DEPDC5: variants seen among roughly 807,000 people sequenced by gnomAD.
The protein encoded by DEPDC5 is DEP domain containing 5, GATOR1 subcomplex subunit.
DEPDC5 carries 73 observed loss-of-function variants against 217.3 expected under a neutral mutation model. That is an observed-to-expected ratio of 0.34 (90% CI 0.28 to 0.41). The LOEUF is 0.41. Ranked by LOEUF, DEPDC5 falls within the 10% of genes least tolerant of loss-of-function variation. The pLI, the probability that DEPDC5 is intolerant of heterozygous loss-of-function variation, is 1.00. For synonymous variants in DEPDC5, 733 were observed against 756.7 expected (o/e 0.97, Z 0.51); for missense variants, 1,675 against 2,070.1 (o/e 0.81, Z 3.70).
chr22:31,809,285 T>C (rs1395236308), intron 18 of DEPDC5, among the ~76,000 whole-genome samples: 1 of 152,190 alleles, frequency 6.6e-6, no homozygotes, highest in African/African-American at 2.4e-5. Context: ...AACAGTGGAT[T>C]GACCAAGAAT....
At position 31,793,183 on chromosome 22, in the gene DEPDC5, G is replaced by A. The variant is rs114078671; in HGVS notation, c.767+366G>A. ...ACAGTTCCTGCATGGTCTTTGCTCTGTTTCCTCTAATATTAACATTTCATA... is the reference window on the plus strand; with the variant it reads ...ACAGTTCCTGCATGGTCTTTGCTCTATTTCCTCTAATATTAACATTTCATA... On this transcript the variant is annotated intron_variant, in intron 12 of 42. Coordinates refer to ENST00000651528, the MANE Select transcript of DEPDC5 (RefSeq NM_001242896.3). Among the ~76,000 whole-genome samples, 838 of 152,254 alleles carry A rather than the reference G, an allele frequency of 5.5e-3. 9 individuals carry two copies. The highest frequency in any genetic ancestry group is 0.019 in the African/African-American group (780 of 41,554).
At chr22:31,759,751 C>T (rs1483337866) in intron 3 of DEPDC5, among the ~76,000 whole-genome samples, 4 of 143,880 alleles carry the variant, frequency 2.8e-5, no homozygotes, top group Admixed American at 1.4e-4. Context: ...GGTGCCACCT[C>T]GGCTCACTGC....
Position 31,837,153 on chromosome 22 carries a change from C to A in DEPDC5, c.2352C>A (p.Asp784Glu), listed in dbSNP as rs765324808. The A allele has an allele frequency of 1.9e-6, 3 of 1,614,092 alleles. No individual in the cohort carries two copies. The East Asian group carries it at 6.7e-5, about 36-fold the overall frequency. ...ATCTCCTTCCAGAAGCAGACATCGA[C>A]AGGTCAGTGTCAGAGAAAAAGGCAC... Reference protein sequence around the residue: ...CYDLLPEADIDRRDEDGVQMT... With the variant: ...CYDLLPEADIERRDEDGVQMT... The change falls in exon 26 of 43, where the codon GAC (aspartate) becomes GAA (glutamate). Residue 784 changes from aspartate to glutamate, a missense_variant and splice_region_variant. Asp to Glu is a conservative substitution (Grantham distance 45, BLOSUM62 2). Coordinates refer to ENST00000651528, the MANE Select transcript of DEPDC5 (RefSeq NM_001242896.3).
intron 10 of DEPDC5, among the ~76,000 whole-genome samples, chr22:31,787,395 T>G (rs1046864022): frequency 1.3e-5 from 2 of 152,198 alleles, no homozygotes; most frequent in Non-Finnish European, 2.9e-5. Context: ...GAAATTCATA[T>G]AACCTTGAAT....
intron 31 of DEPDC5, among the ~76,000 whole-genome samples, chr22:31,851,694 G>A (rs2092035426): frequency 1.3e-5 from 2 of 152,328 alleles, no homozygotes; most frequent in African/African-American, 4.8e-5. Flanking sequence ...AGCATGTTAG[G>A]GGAGGCTAGA....
intron 22 of DEPDC5, among the ~76,000 whole-genome samples, chr22:31,820,307 T>C (rs1208365804): frequency 6.6e-6 from 1 of 152,162 alleles, no homozygotes; most frequent in Non-Finnish European, 1.5e-5. Context: ...AGACGGGGTT[T>C]CACCATGTTG....
intron 20 of DEPDC5, among the ~76,000 whole-genome samples, chr22:31,812,198 C>G (rs948597332): frequency 3.3e-5 from 5 of 151,906 alleles, no homozygotes; most frequent in Non-Finnish European, 7.4e-5. Flanking sequence ...CTGTGTTGGC[C>G]AGGCTGGTCT....
intron 38 of DEPDC5, among the ~76,000 whole-genome samples, chr22:31,889,011 T>G (rs2093378456): frequency 6.6e-6 from 1 of 152,226 alleles, no homozygotes; most frequent in Admixed American, 6.5e-5. Context: ...CCAAGACTGC[T>G]TGTTCTGTAC....
At chr22:31,820,001 G>C (rs550766716) in intron 22 of DEPDC5, among the ~76,000 whole-genome samples, 2 of 152,146 alleles carry the variant, frequency 1.3e-5, no homozygotes, top group African/African-American at 4.8e-5. Context: ...TCTATATTCT[G>C]TTCTCAAGAA....
chr22:31,833,982 T>G lies in DEPDC5; in HGVS notation c.2170+2T>G. On this transcript the variant is annotated splice_donor_variant, in intron 25 of 42. Transcript: ENST00000651528. LOFTEE classifies it high-confidence loss of function. ...GTGTTTCTACCTCTCCAGACCCAAG[T>G]AAGAGGGGGCAGCTGACTGGGGAAA... 6.2e-7 allele frequency: 1 copy of G among 1,613,214 alleles called. No individual in the cohort carries two copies. Among genetic ancestry groups the G allele is most frequent in the South Asian group, 1.1e-5 (1 of 91,028 alleles).
At chr22:31,845,368 A>G in intron 30 of DEPDC5, 131 bp downstream of exon 30, 2 of 1,241,722 alleles carry the variant, frequency 1.6e-6, no homozygotes, top group Non-Finnish European at 2.2e-6. Flanking sequence ...CTTAAATCCA[A>G]AACAGTGTTT....
intron 38 of DEPDC5, among the ~76,000 whole-genome samples, chr22:31,888,274 G>A (rs997682734): frequency 7.4e-6 from 1 of 135,734 alleles, no homozygotes; most frequent in Non-Finnish European, 1.5e-5. Flanking sequence ...TTTGGAGACG[G>A]AGTCTTGCTT....
intron 25 of DEPDC5, among the ~76,000 whole-genome samples, chr22:31,836,257 C>G (rs2090987348): frequency 6.6e-6 from 1 of 152,206 alleles, no homozygotes; most frequent in South Asian, 2.1e-4. Flanking sequence ...GTACCCAGGA[C>G]AGCCCCCACA....
chr22:31,755,555 T>C (rs1298147592), intron 2 of DEPDC5: 1 of 152,128 alleles, frequency 6.6e-6, no homozygotes, highest in Non-Finnish European at 1.5e-5. Context: ...TAACATCTAT[T>C]TTTTTTCCTT....
chr22:31,808,023 T>C (rs1284663991), intron 18 of DEPDC5, among the ~76,000 whole-genome samples: 1 of 152,138 alleles, frequency 6.6e-6, no homozygotes, highest in African/African-American at 2.4e-5. Flanking sequence ...TGGGATTCTG[T>C]ATAGAAAGGG....
chr22:31,864,835 T>C (rs747386180), intron 33 of DEPDC5, among the ~76,000 whole-genome samples: 9 of 152,070 alleles, frequency 5.9e-5, no homozygotes, highest in Non-Finnish European at 1.2e-4. Flanking sequence ...ACTACAGGCA[T>C]CTGCCACCAC....
chr22:31,806,224 A>T (rs754906143), intron 18 of DEPDC5, 33 bp downstream of exon 18: 2 of 1,582,464 alleles, frequency 1.3e-6, no homozygotes, highest in Admixed American at 3.4e-5. Flanking sequence ...ACGGGGTCTT[A>T]TTATGTGGTC....
At chr22:31,766,473 C>G in intron 5 of DEPDC5, 112 bp from the exon 6 acceptor site, 7 of 965,790 alleles carry the variant, frequency 7.2e-6, no homozygotes, top group Non-Finnish European at 1.1e-5. Flanking sequence ...AATGGTCTTC[C>G]AGTAGTTTTC....
chr22:31,798,610 C>T lies in DEPDC5; in HGVS notation c.900C>T (p.Thr300=), dbSNP rs759811687. The change falls in exon 14 of 43, where the codon ACC becomes ACT. Residue 300 remains threonine (T), a synonymous_variant. Coordinates refer to ENST00000651528, the MANE Select transcript of DEPDC5 (RefSeq NM_001242896.3). ...AEGFPQGDNS[T]SAQGNYLEAI... ...GCTTTCCTCAAGGAGATAATTCTAC[C>T]TCAGCACAAGGAAACTACCTGGAGG... 1 of 1,611,486 alleles carries T rather than the reference C, an allele frequency of 6.2e-7. No individual in the cohort carries two copies. Among genetic ancestry groups the T allele is most frequent in the Non-Finnish European group, 8.5e-7 (1 of 1,178,332 alleles).
Sources: allele counts gnomAD v4.1 joint callset (sites outside exome capture counted in the v4.1 genomes callset), GRCh38; gene constraint gnomAD v4.1.1; transcripts MANE v1.5; gene names NCBI Gene and HGNC (gene_info 2026-07-23, HGNC 2026-07-21).